The following CNTNAP2 variants were observed in gnomAD, a reference collection of about 807,000 sequenced individuals.
CNTNAP2 encodes contactin associated protein 2.
In CNTNAP2, 98 loss-of-function variants were observed where a neutral mutation model predicts 155.2. The observed-to-expected ratio is 0.63, with a 90% CI of 0.54 to 0.75. The LOEUF (loss-of-function observed/expected upper bound fraction) is 0.75. CNTNAP2 is among the 30% of genes least tolerant of loss of function. CNTNAP2 has a pLI of 0.00. For missense variants in CNTNAP2, 1,727 were observed against 1,688.1 expected (o/e 1.02, Z -0.40); for synonymous variants, 651 against 631.2 (o/e 1.03, Z -0.47).
chr7:148,193,320 G>T (rs566485729), intron 18 of CNTNAP2, among the ~76,000 whole-genome samples: 2 of 152,158 alleles, frequency 1.3e-5, no homozygotes, highest in Non-Finnish European at 2.9e-5. Context: ...CATTAGGTGG[G>T]GTGGACACAA....
intron 8 of CNTNAP2, among the ~76,000 whole-genome samples, chr7:147,163,795 G>T (rs2116459945): frequency 1.3e-5 from 2 of 152,290 alleles, no homozygotes; most frequent in Middle Eastern, 3.4e-3. Flanking sequence ...TGGAAGAACA[G>T]AGTAGATGGC....
At chr7:146,970,078 TA>T (rs1421486383) in intron 3 of CNTNAP2, among the ~76,000 whole-genome samples, 3 of 152,144 alleles carry the variant, frequency 2.0e-5, no homozygotes, top group Non-Finnish European at 4.4e-5. Flanking sequence ...ATTAAAGACT[TA>T]AACAATAGAC....
intron 13 of CNTNAP2, among the ~76,000 whole-genome samples, chr7:147,750,832 A>G (rs1420013198): frequency 4.0e-5 from 6 of 151,860 alleles, no homozygotes; most frequent in Non-Finnish European, 7.4e-5. Context: ...AGGTCAGGAG[A>G]TCCAGACCAT....
chr7:148,405,545 TC>T (rs1453393489), intron 22 of CNTNAP2, among the ~76,000 whole-genome samples: 1 of 116,808 alleles, frequency 8.6e-6, no homozygotes, highest in Non-Finnish European at 1.9e-5. Flanking sequence ...CAAGCAATTC[TC>T]CTGCTTCAGC....
intron 15 of CNTNAP2, among the ~76,000 whole-genome samples, chr7:148,099,191 G>A (rs1804040795): frequency 6.6e-6 from 1 of 152,170 alleles, no homozygotes; most frequent in Non-Finnish European, 1.5e-5. Flanking sequence ...ATGAAAAGTG[G>A]ACATAATAAC....
chr7:147,945,457 G>A (rs1033351460), intron 14 of CNTNAP2, among the ~76,000 whole-genome samples: 9 of 152,052 alleles, frequency 5.9e-5, no homozygotes, highest in South Asian at 2.1e-4. Flanking sequence ...TTTGCAGTAC[G>A]AAGCAGGAAA....
At chr7:147,365,403 A>C (rs1796213579) in intron 9 of CNTNAP2, among the ~76,000 whole-genome samples, 1 of 151,166 alleles carries the variant, frequency 6.6e-6, no homozygotes, top group Admixed American at 6.6e-5. Context: ...AAAAAAAAAA[A>C]AAAAACAAAG....
At chr7:147,968,682 T>C (rs760462733) in intron 14 of CNTNAP2, among the ~76,000 whole-genome samples, 3 of 152,176 alleles carry the variant, frequency 2.0e-5, no homozygotes, top group Non-Finnish European at 4.4e-5. Context: ...ACTCAGCCCA[T>C]GGGTTTCCCT....
chr7:146,528,538 G>A (rs1797723513), intron 1 of CNTNAP2, among the ~76,000 whole-genome samples: 2 of 152,118 alleles, frequency 1.3e-5, no homozygotes, highest in African/African-American at 4.8e-5. Flanking sequence ...TAATGAAATA[G>A]GCCTAAAGAC....
intron 15 of CNTNAP2, among the ~76,000 whole-genome samples, chr7:148,092,499 G>A (rs908040244): frequency 1.3e-5 from 2 of 152,178 alleles, no homozygotes; most frequent in Non-Finnish European, 2.9e-5. Context: ...ATGCACTTAG[G>A]AACTTAAAGG....
chr7:147,558,136 G>C (rs1286264966), intron 11 of CNTNAP2, among the ~76,000 whole-genome samples: 1 of 152,112 alleles, frequency 6.6e-6, no homozygotes, highest in African/African-American at 2.4e-5. Flanking sequence ...TCTGTGAACA[G>C]TTTTAAATCA....
At chr7:147,387,871 C>G (rs538249298) in intron 9 of CNTNAP2, among the ~76,000 whole-genome samples, 40 of 152,262 alleles carry the variant, frequency 2.6e-4, no homozygotes, top group African/African-American at 9.6e-4. Flanking sequence ...TGTTCTGCTT[C>G]CAACTTTCAC....
intron 8 of CNTNAP2, chr7:147,167,648 A>T: frequency 2.1e-6 from 1 of 486,192 alleles, no homozygotes; most frequent in Non-Finnish European, 3.5e-6. Context: ...TCAGCGGAGC[A>T]GGGTATGGGC....
chr7:146,209,818 A>G (rs1799006024), intron 1 of CNTNAP2, among the ~76,000 whole-genome samples: 1 of 152,224 alleles, frequency 6.6e-6, no homozygotes, highest in Non-Finnish European at 1.5e-5. Context: ...TAAAATCATT[A>G]ATGAAGGCAT....
chr7:148,367,590 T>A (rs1190357489), intron 21 of CNTNAP2, among the ~76,000 whole-genome samples: 2 of 152,108 alleles, frequency 1.3e-5, no homozygotes, highest in African/African-American at 2.4e-5. Context: ...TAGACAGATA[T>A]TCAGCTGGAA....
chr7:147,903,503 T>G, intron 13 of CNTNAP2, 62 bp from the exon 14 acceptor site: 1 of 1,555,180 alleles, frequency 6.4e-7, no homozygotes, highest in South Asian at 1.1e-5. Flanking sequence ...TGGGTGTAAG[T>G]GTGGCAGTCT....
chr7:146,167,236 A>T (rs28703019), intron 1 of CNTNAP2, among the ~76,000 whole-genome samples: 3,160 of 152,344 alleles, frequency 0.021, 97 homozygotes, highest in African/African-American at 0.071. Flanking sequence ...AATTACTTAT[A>T]CATTAAACAT....
chr7:148,318,396 G>T (rs781319208), intron 21 of CNTNAP2, among the ~76,000 whole-genome samples: 4 of 152,172 alleles, frequency 2.6e-5, no homozygotes, highest in Non-Finnish European at 5.9e-5. Flanking sequence ...TCTGTGAAGC[G>T]TGTGTGATTT....
At chr7:146,980,784 C>T (rs911581822) in intron 3 of CNTNAP2, among the ~76,000 whole-genome samples, 5 of 152,122 alleles carry the variant, frequency 3.3e-5, no homozygotes, top group East Asian at 1.9e-4. Flanking sequence ...CACCAGGCCC[C>T]GCCTCCAACA....
Sources: allele counts gnomAD v4.1 joint callset (sites outside exome capture counted in the v4.1 genomes callset), GRCh38; gene constraint gnomAD v4.1.1; transcripts MANE v1.5; gene names NCBI Gene and HGNC (gene_info 2026-07-23, HGNC 2026-07-21).